ADIPOR2: variants seen among roughly 807,000 people sequenced by gnomAD.
ADIPOR2 encodes adiponectin receptor 2, also known as adiponectin receptor protein 2.
Under a neutral mutation model 40.9 loss-of-function variants are expected in ADIPOR2, and 18 were observed. The ratio of observed to expected loss-of-function variants is 0.44; its 90% CI spans 0.30 to 0.65. The LOEUF is 0.65. Among genes scored for constraint, ADIPOR2 ranks in the 30% least tolerant of loss-of-function variants. The probability of loss-of-function intolerance (pLI) is 0.09; values close to 1 mark genes in which losing one functional copy is unlikely to be tolerated. For synonymous variants in ADIPOR2, 165 were observed against 166.4 expected (o/e 0.99, Z 0.06); for missense variants, 283 against 479.2 (o/e 0.59, Z 3.82).
At chr12:1,716,343 C>CG (rs2094687610) in intron 1 of ADIPOR2, among the ~76,000 whole-genome samples, 1 of 152,048 alleles carries the variant, frequency 6.6e-6, no homozygotes, top group African/African-American at 2.4e-5. Flanking sequence ...TAAAGACAAA[C>CG]CTTTGAAAAT....
chr12:1,723,964 G>A (rs1490749634), intron 1 of ADIPOR2, among the ~76,000 whole-genome samples: 1 of 151,944 alleles, frequency 6.6e-6, no homozygotes, highest in Non-Finnish European at 1.5e-5. Context: ...AATGTTACTG[G>A]TATACATACA....
intron 3 of ADIPOR2, among the ~76,000 whole-genome samples, chr12:1,774,745 G>A (rs897064093): frequency 6.6e-6 from 1 of 152,154 alleles, no homozygotes; most frequent in Non-Finnish European, 1.5e-5. Context: ...TCGCTCTGTC[G>A]CTAGGCTGGA....
chr12:1,714,246 AG>A (rs1378463909), intron 1 of ADIPOR2, among the ~76,000 whole-genome samples: 2 of 152,070 alleles, frequency 1.3e-5, no homozygotes, highest in African/African-American at 2.4e-5. Context: ...TGTTTGTCTG[AG>A]GGCCATGACT....
chr12:1,711,180 G>A (rs2094676026), intron 1 of ADIPOR2, among the ~76,000 whole-genome samples: 1 of 152,148 alleles, frequency 6.6e-6, no homozygotes, highest in Non-Finnish European at 1.5e-5. Context: ...AGTCACTGCT[G>A]CCAAAGAGTC....
intron 1 of ADIPOR2, among the ~76,000 whole-genome samples, chr12:1,712,421 A>G (rs1350527007): frequency 1.3e-5 from 2 of 152,092 alleles, no homozygotes. Context: ...CTTTCCTAGT[A>G]TTATTTTGAT....
At chr12:1,713,843 T>C (rs1357747676) in intron 1 of ADIPOR2, among the ~76,000 whole-genome samples, 1 of 151,866 alleles carries the variant, frequency 6.6e-6, no homozygotes, top group African/African-American at 2.4e-5. Flanking sequence ...ACACTGAGCC[T>C]CGGATGGTAA....
chr12:1,717,409 TA>T (rs2094689723), intron 1 of ADIPOR2, among the ~76,000 whole-genome samples: 1 of 152,150 alleles, frequency 6.6e-6, no homozygotes, highest in Non-Finnish European at 1.5e-5. Context: ...TATGTTTGGT[TA>T]AAATTTCACT....
chr12:1,695,145 T>C (rs2094635754), intron 1 of ADIPOR2, among the ~76,000 whole-genome samples: 1 of 151,530 alleles, frequency 6.6e-6, no homozygotes, highest in Non-Finnish European at 1.5e-5. Context: ...CCTCCCAAAG[T>C]GTTAGGGTTA....
At chr12:1,718,546 T>G (rs2094691957) in intron 1 of ADIPOR2, among the ~76,000 whole-genome samples, 1 of 152,222 alleles carries the variant, frequency 6.6e-6, no homozygotes, top group Non-Finnish European at 1.5e-5. Flanking sequence ...TGAGGTATAG[T>G]TTACACTCAG....
At chr12:1,759,693 T>A (rs1862227710) in intron 2 of ADIPOR2, among the ~76,000 whole-genome samples, 1 of 152,012 alleles carries the variant, frequency 6.6e-6, no homozygotes, top group Non-Finnish European at 1.5e-5. Flanking sequence ...CTGGGTATAT[T>A]TTTTTTGTTT....
intron 1 of ADIPOR2, among the ~76,000 whole-genome samples, chr12:1,749,005 G>C (rs753108101): frequency 6.6e-5 from 10 of 152,178 alleles, no homozygotes; most frequent in Non-Finnish European, 1.2e-4. Flanking sequence ...TGACCAACCA[G>C]CTTCAAGTTG....
At chr12:1,744,779 CAA>C (rs1490128385) in intron 1 of ADIPOR2, among the ~76,000 whole-genome samples, 2 of 152,114 alleles carry the variant, frequency 1.3e-5, no homozygotes, top group Non-Finnish European at 2.9e-5. Context: ...GAGGGGACCT[CAA>C]AAAGTTTGTG....
At chr12:1,718,893 C>T (rs2094692644) in intron 1 of ADIPOR2, among the ~76,000 whole-genome samples, 1 of 152,026 alleles carries the variant, frequency 6.6e-6, no homozygotes, top group Non-Finnish European at 1.5e-5. Context: ...CTACTTAATG[C>T]TGGGGGAAAA....
intron 1 of ADIPOR2, among the ~76,000 whole-genome samples, chr12:1,714,505 G>A (rs144377749): frequency 4.7e-4 from 72 of 152,172 alleles, no homozygotes; most frequent in East Asian, 2.7e-3. Context: ...TCCTGTAGCC[G>A]CTCGAGGAAG....
chr12:1,738,580 G>A (rs994075647), intron 1 of ADIPOR2, among the ~76,000 whole-genome samples: 12 of 152,090 alleles, frequency 7.9e-5, no homozygotes, highest in Admixed American at 7.2e-4. Flanking sequence ...ATAAAATAAA[G>A]GTAATTAAAT....
chr12:1,741,000 G>A (rs904204154), intron 1 of ADIPOR2, among the ~76,000 whole-genome samples: 2 of 152,162 alleles, frequency 1.3e-5, no homozygotes, highest in Admixed American at 6.5e-5. Flanking sequence ...TAAGTTCCCA[G>A]GCATGTTTCT....
chr12:1,696,155 C>G (rs2094638329), intron 1 of ADIPOR2: 1 of 153,446 alleles, frequency 6.5e-6, no homozygotes. Flanking sequence ...TCCTCTTGGG[C>G]TTTCCCTGGG....
chr12:1,739,247 A>G (rs907037347), intron 1 of ADIPOR2, among the ~76,000 whole-genome samples: 3 of 152,212 alleles, frequency 2.0e-5, no homozygotes, highest in Admixed American at 6.5e-5. Context: ...AATGGGAGAC[A>G]CAAGTAAATA....
chr12:1,785,413 A>G (rs766652574), intron 7 of ADIPOR2, among the ~76,000 whole-genome samples: 7 of 152,050 alleles, frequency 4.6e-5, no homozygotes, highest in Non-Finnish European at 8.8e-5. Flanking sequence ...AACTCTGGGG[A>G]CCATATGTTG....
Sources: gnomAD v4.1 joint callset for allele counts (sites outside exome capture counted in the v4.1 genomes callset) on GRCh38, gnomAD v4.1.1 for gene constraint, MANE v1.5 for transcripts, NCBI Gene and HGNC (gene_info 2026-07-23, HGNC 2026-07-21) for gene names.